Variants in UTP4 observed in about 807,000 individuals in gnomAD.
UTP4 encodes U3 small nucleolar RNA-associated protein 4 homolog.
UTP4 carries 45 observed loss-of-function variants against 82.4 expected under a neutral mutation model. That is an observed-to-expected ratio of 0.55 (90% CI 0.43 to 0.70). The LOEUF is 0.70. UTP4 is among the 30% of genes least tolerant of loss of function. UTP4 has a pLI of 0.00. For missense variants in UTP4, 819 were observed against 858.3 expected (o/e 0.95, Z 0.57); for synonymous variants, 348 against 300.3 (o/e 1.16, Z -1.64).
intron 5 of UTP4, chr16:69,142,131 G>A (rs999083785): frequency 6.6e-6 from 1 of 152,120 alleles, no homozygotes; most frequent in Non-Finnish European, 1.5e-5. Flanking sequence ...CTTTCCTCAT[G>A]TCTGGTGATC....
chr16:69,135,750 G>A (rs1282795841), intron 2 of UTP4, among the ~76,000 whole-genome samples: 1 of 152,082 alleles, frequency 6.6e-6, no homozygotes, highest in African/African-American at 2.4e-5. Context: ...GGCCTGATGC[G>A]GTGGCTCACT....
intron 1 of UTP4, chr16:69,133,013 G>GT (rs1335258667): frequency 3.5e-5 from 9 of 259,234 alleles, no homozygotes; most frequent in Admixed American, 5.2e-5. Context: ...ACGGGGTAGG[G>GT]TAAGTGACAG....
intron 11 of UTP4, 59 bp from the exon 12 acceptor site, chr16:69,157,025 T>A: frequency 6.3e-7 from 1 of 1,580,550 alleles, no homozygotes; most frequent in South Asian, 1.1e-5. Flanking sequence ...CTGTGATTGT[T>A]TCTGATGGGC....
chr16:69,151,325 C>CTT (rs75659040), intron 8 of UTP4, among the ~76,000 whole-genome samples: 127 of 124,754 alleles, frequency 1.0e-3, no homozygotes, highest in Admixed American at 1.6e-3. Flanking sequence ...CTTTTTTTTT[C>CTT]TTTTTTTTTT....
At chr16:69,156,068 C>G (rs748274668) in intron 11 of UTP4, 75 bp downstream of exon 11, 45 of 1,440,752 alleles carry the variant, frequency 3.1e-5, no homozygotes, top group Middle Eastern at 1.8e-4. Flanking sequence ...AAGTGGAAAT[C>G]AACTGGATGT....
chr16:69,149,899 T>G (rs953865131), intron 6 of UTP4, among the ~76,000 whole-genome samples: 1 of 152,052 alleles, frequency 6.6e-6, no homozygotes, highest in African/African-American at 2.4e-5. Flanking sequence ...CAGCTAATTT[T>G]TGTATTTTTA....
Position 69,149,869 on chromosome 16 carries a change from C to A in UTP4, c.739-668C>A, listed in dbSNP as rs368956836. On this transcript the variant is annotated intron_variant, in intron 6 of 16. Coordinates refer to ENST00000314423, the MANE Select transcript of UTP4 (RefSeq NM_032830.3). ...TCAGCCGTCCAAATAGTTGGGATTA[C>A]AGGCATGCGCCACCACGCCCAGCTA... Among the ~76,000 whole-genome samples, 5 of 152,152 alleles carry A rather than the reference C, an allele frequency of 3.3e-5. No individual in the cohort carries two copies. The East Asian group carries it at 9.7e-4, about 30-fold the overall frequency.
intron 8 of UTP4, among the ~76,000 whole-genome samples, chr16:69,151,378 A>G (rs1963263721): frequency 7.0e-6 from 1 of 143,848 alleles, no homozygotes; most frequent in South Asian, 2.2e-4. Context: ...GCTGGAGTGC[A>G]GTGGTGCGAC....
intron 8 of UTP4, among the ~76,000 whole-genome samples, chr16:69,151,634 T>C (rs1322843263): frequency 6.6e-6 from 1 of 152,080 alleles, no homozygotes; most frequent in Non-Finnish European, 1.5e-5. Flanking sequence ...CCTTTTTTTT[T>C]TTTTTAACCA....
At chr16:69,132,850 G>A (rs1476484440) in intron 1 of UTP4, 161 bp downstream of exon 1, 1 of 200,980 alleles carries the variant, frequency 5.0e-6, no homozygotes, top group Non-Finnish European at 1.0e-5. Context: ...GAGGGAAGGG[G>A]AGGCGAAGAC....
At chr16:69,166,444 A>G (rs1008791399) in intron 15 of UTP4, 4 of 152,754 alleles carry the variant, frequency 2.6e-5, no homozygotes, top group Admixed American at 2.6e-4. Flanking sequence ...CCTCTTTGTA[A>G]TTGAGCCCAG....
intron 3 of UTP4, 80 bp from the exon 4 acceptor site, chr16:69,137,720 GT>G (rs1962846595): frequency 2.5e-6 from 2 of 807,832 alleles, no homozygotes; most frequent in Non-Finnish European, 4.4e-6. Context: ...GAGAGTGTGT[GT>G]TGGGGGGTGT....
At chr16:69,135,622 G>A (rs773640686) in intron 2 of UTP4, among the ~76,000 whole-genome samples, 3 of 152,116 alleles carry the variant, frequency 2.0e-5, no homozygotes, top group Admixed American at 6.5e-5. Flanking sequence ...GGGTTGAGGC[G>A]GAAGGATCGC....
At chr16:69,159,667 A>G (rs1029112698) in intron 12 of UTP4, among the ~76,000 whole-genome samples, 4 of 150,852 alleles carry the variant, frequency 2.7e-5, no homozygotes, top group African/African-American at 9.8e-5. Context: ...CAGCCTGACA[A>G]CAGAGTGAGA....
intron 6 of UTP4, among the ~76,000 whole-genome samples, chr16:69,144,673 A>G (rs1963059279): frequency 6.6e-6 from 1 of 152,238 alleles, no homozygotes; most frequent in South Asian, 2.1e-4. Context: ...ATTCTAGTGT[A>G]GTGTTCCTAT....
intron 5 of UTP4, among the ~76,000 whole-genome samples, chr16:69,141,492 T>C (rs1962957538): frequency 6.6e-6 from 1 of 152,282 alleles, no homozygotes; most frequent in Non-Finnish European, 1.5e-5. Flanking sequence ...TATTTTTTTT[T>C]CCCCCAGGAG....
At chr16:69,141,836 TTTTA>T (rs1274718577) in intron 5 of UTP4, among the ~76,000 whole-genome samples, 2 of 151,424 alleles carry the variant, frequency 1.3e-5, no homozygotes, top group Non-Finnish European at 2.9e-5. Flanking sequence ...TTTTATTTTA[TTTTA>T]TTTTATTATT....
At chr16:69,141,424 G>A (rs1041477582) in intron 5 of UTP4, among the ~76,000 whole-genome samples, 2 of 152,160 alleles carry the variant, frequency 1.3e-5, no homozygotes, top group African/African-American at 4.8e-5. Flanking sequence ...CCAGCTCCTC[G>A]TATTATTAGC....
intron 12 of UTP4, among the ~76,000 whole-genome samples, chr16:69,157,852 C>G (rs2152282388): frequency 6.6e-6 from 1 of 151,722 alleles, no homozygotes; most frequent in East Asian, 1.9e-4. Context: ...CCATCCTGCC[C>G]TCCCAGCTGA....
Sources: allele counts gnomAD v4.1 joint callset (sites outside exome capture counted in the v4.1 genomes callset), GRCh38; gene constraint gnomAD v4.1.1; transcripts MANE v1.5; gene names NCBI Gene and HGNC (gene_info 2026-07-23, HGNC 2026-07-21).